Variants in TRAM2 observed in about 807,000 individuals in gnomAD.
TRAM2 encodes the protein translocating chain-associated membrane protein 2.
Under a neutral mutation model 51.0 loss-of-function variants are expected in TRAM2, and 12 were observed. The ratio of observed to expected loss-of-function variants is 0.24; its 90% CI spans 0.15 to 0.38. The LOEUF is 0.38. Among genes scored for constraint, TRAM2 ranks in the 10% least tolerant of loss-of-function variants. The pLI, the probability that TRAM2 is intolerant of heterozygous loss-of-function variation, is 1.00. For synonymous variants in TRAM2, 175 were observed against 179.4 expected (o/e 0.98, Z 0.20); for missense variants, 361 against 462.0 (o/e 0.78, Z 2.00).
chr6:52,535,547 G>T (rs1766964269), intron 2 of TRAM2, among the ~76,000 whole-genome samples: 1 of 152,212 alleles, frequency 6.6e-6, no homozygotes, highest in African/African-American at 2.4e-5. Flanking sequence ...AGGGCGTGGT[G>T]GCACACGCCT....
intron 2 of TRAM2, among the ~76,000 whole-genome samples, chr6:52,527,649 C>T (rs890096648): frequency 6.6e-6 from 1 of 152,178 alleles, no homozygotes; most frequent in Non-Finnish European, 1.5e-5. Flanking sequence ...GGCTGGTTAA[C>T]AATCAGCCAC....
rs141232327 is a variant in TRAM2 at position 52,525,586 on chromosome 6, G to T, written c.185-8849C>A. 9.0e-3 allele frequency among the ~76,000 whole-genome samples: 1,364 copies of T among 152,250 alleles called. 21 individuals carry two copies. The highest frequency in any genetic ancestry group is 0.026 in the African/African-American group (1,095 of 41,522). ...GCACTTTGGGAGGCCAAGGCGGGTG[G>T]ATCACGAGATCAGGAGTTCAAGACC... On this transcript the variant is annotated intron_variant, in intron 2 of 10. Transcript: ENST00000182527.
chr6:52,508,158 G>A (rs1448063652), intron 6 of TRAM2, 76 bp downstream of exon 6: 1 of 1,368,418 alleles, frequency 7.3e-7, no homozygotes, highest in Admixed American at 1.9e-5. Flanking sequence ...GAAAAGGAAG[G>A]GAGGTACCCC....
At chr6:52,554,208 C>G (rs1022568213) in intron 1 of TRAM2, among the ~76,000 whole-genome samples, 4 of 152,186 alleles carry the variant, frequency 2.6e-5, no homozygotes, top group African/African-American at 9.7e-5. Context: ...GATGCGGAGG[C>G]AGGGCATCCC....
rs139109537 is a variant in TRAM2, at chr6:52,518,846, C to T, written c.185-2109G>A. ...ATTTTGAAATTATAAAATAACTAAA[C>T]ATAGTTTCATCATCAAGATCATCCT... On this transcript the variant is annotated intron_variant, in intron 2 of 10. Transcript: ENST00000182527. 6.6e-4 allele frequency among the ~76,000 whole-genome samples: 101 copies of T among 152,302 alleles called. 1 individual carries two copies. Among genetic ancestry groups the T allele is most frequent in the African/African-American group, 2.4e-3 (99 of 41,564 alleles).
At chr6:52,553,731 A>G (rs1435294406) in intron 1 of TRAM2, among the ~76,000 whole-genome samples, 1 of 152,212 alleles carries the variant, frequency 6.6e-6, no homozygotes, top group African/African-American at 2.4e-5. Flanking sequence ...ACTAACTCTG[A>G]AATGGAGTTG....
chr6:52,573,042 C>A (rs1767705869), intron 1 of TRAM2, among the ~76,000 whole-genome samples: 1 of 152,074 alleles, frequency 6.6e-6, no homozygotes, highest in Non-Finnish European at 1.5e-5. Context: ...ATTGTGGAAA[C>A]ATTTCTTTGC....
intron 2 of TRAM2, among the ~76,000 whole-genome samples, chr6:52,530,430 C>T (rs1030897721): frequency 6.6e-6 from 1 of 152,162 alleles, no homozygotes; most frequent in Non-Finnish European, 1.5e-5. Context: ...TCTCCCTCAC[C>T]TCCACCAAAA....
At chr6:52,550,702 C>A (rs1262338305) in intron 1 of TRAM2, among the ~76,000 whole-genome samples, 1 of 152,092 alleles carries the variant, frequency 6.6e-6, no homozygotes, top group Non-Finnish European at 1.5e-5. Flanking sequence ...CAGGAATGCA[C>A]CACCACACCC....
intron 1 of TRAM2, among the ~76,000 whole-genome samples, chr6:52,546,166 G>C (rs1363064733): frequency 1.3e-5 from 2 of 152,168 alleles, no homozygotes; most frequent in African/African-American, 4.8e-5. Context: ...CAGGAAGGGT[G>C]CTACAGGCTG....
At chr6:52,520,334 G>A (rs1484613033) in intron 2 of TRAM2, among the ~76,000 whole-genome samples, 1 of 152,190 alleles carries the variant, frequency 6.6e-6, no homozygotes, top group African/African-American at 2.4e-5. Context: ...GAGGATTTTC[G>A]TCACATGTTC....
intron 1 of TRAM2, among the ~76,000 whole-genome samples, chr6:52,541,002 C>A (rs1038517204): frequency 6.6e-6 from 1 of 152,208 alleles, no homozygotes; most frequent in Non-Finnish European, 1.5e-5. Flanking sequence ...AGGCCTTGAG[C>A]ATGCTTGTGT....
intron 1 of TRAM2, among the ~76,000 whole-genome samples, chr6:52,569,404 A>AG (rs1189835705): frequency 7.3e-5 from 11 of 150,476 alleles, no homozygotes; most frequent in Middle Eastern, 6.8e-3. Context: ...AAAAAAAAAA[A>AG]AAAGAAAGAA....
At chr6:52,504,826 G>C in intron 9 of TRAM2, 72 bp from the exon 10 acceptor site, 1 of 1,449,466 alleles carries the variant, frequency 6.9e-7, no homozygotes, top group Non-Finnish European at 9.3e-7. Context: ...GTGCAGGGGA[G>C]AACAAGGGCC....
At chr6:52,566,794 C>G in intron 1 of TRAM2, among the ~76,000 whole-genome samples, 1 of 152,176 alleles carries the variant, frequency 6.6e-6, no homozygotes, top group Admixed American at 6.5e-5. Flanking sequence ...TAGCATCCAT[C>G]TATCCCTATT....
chr6:52,518,633 G>A (rs1441841240), intron 2 of TRAM2, among the ~76,000 whole-genome samples: 1 of 152,096 alleles, frequency 6.6e-6, no homozygotes, highest in Non-Finnish European at 1.5e-5. Context: ...GAGAGCTGAT[G>A]AGCCTTGGCC....
intron 1 of TRAM2, 35 bp from the exon 2 acceptor site, chr6:52,535,881 T>A: frequency 6.3e-7 from 1 of 1,592,442 alleles, no homozygotes; most frequent in South Asian, 1.1e-5. Context: ...CAGTTTAGCT[T>A]TTGGCCACAT....
chr6:52,574,763 G>A (rs1400551080), intron 1 of TRAM2, among the ~76,000 whole-genome samples: 2 of 152,172 alleles, frequency 1.3e-5, no homozygotes, highest in Non-Finnish European at 2.9e-5. Context: ...TAGAGTGGCA[G>A]GTTTAATGCA....
chr6:52,504,459 G>GT (rs1766303478), intron 10 of TRAM2, 132 bp downstream of exon 10: 2 of 1,469,078 alleles, frequency 1.4e-6, no homozygotes, highest in South Asian at 2.7e-5. Flanking sequence ...CAGCCCTGAG[G>GT]TAAGAGTCAG....
Sources: allele counts gnomAD v4.1 joint callset (sites outside exome capture counted in the v4.1 genomes callset), GRCh38; gene constraint gnomAD v4.1.1; transcripts MANE v1.5; gene names NCBI Gene and HGNC (gene_info 2026-07-23, HGNC 2026-07-21).